The following MYOM2 variants were observed in gnomAD, a reference collection of about 807,000 sequenced individuals.
MYOM2 encodes the protein myomesin-2.
In MYOM2, 254 loss-of-function variants were observed where a neutral mutation model predicts 187.6. The ratio of observed to expected loss-of-function variants is 1.35; its 90% CI spans 1.22 to 1.50. MYOM2 has a LOEUF of 1.50. Among genes scored for constraint, MYOM2 ranks in the 40% most tolerant of loss-of-function variants. The pLI is 0.00. For synonymous variants in MYOM2, 981 were observed against 753.8 expected (o/e 1.30, Z -4.94); for missense variants, 2,796 against 1,924.0 (o/e 1.45, Z -8.48).
Position 2,085,500 on chromosome 8 carries a change from T to TGTGATCTCTGTGTGGCCCACCGCTGTC in MYOM2, c.1644+118_1644+119insTGTGTGGCCCACCGCTGTCGTGATCTC, listed in dbSNP as rs1819806328. The stretch of plus-strand genomic sequence containing the variant: ...TGATCTCCGCGTGGCCCCTCACTGT[T>TGTGATCTCTGTGTGGCCCACCGCTGTC]GTGATCTCCGCGTGGCCCCCCACTG... On this transcript the variant is annotated intron_variant, in intron 14 of 36. Coordinates refer to ENST00000262113, the MANE Select transcript of MYOM2 (RefSeq NM_003970.4). 2.4e-5 allele frequency: 15 copies of TGTGATCTCTGTGTGGCCCACCGCTGTC among 631,870 alleles called. No homozygotes were observed. In the African/African-American group the frequency reaches 8.3e-4, roughly 35 times the overall value. 39.1% of individuals were successfully genotyped at this position (631,870 alleles called of 1,614,324 possible).
chr8:2,132,749 T>G (rs73657738), intron 32 of MYOM2, among the ~76,000 whole-genome samples: 1 of 152,046 alleles, frequency 6.6e-6, no homozygotes, highest in Non-Finnish European at 1.5e-5. Flanking sequence ...TACAAAGAAG[T>G]GCATGCTTCA....
At chr8:2,108,915 C>T in intron 24 of MYOM2, 85 bp downstream of exon 24, 1 of 1,357,932 alleles carries the variant, frequency 7.4e-7, no homozygotes, top group Non-Finnish European at 1.0e-6. Flanking sequence ...CTTGGAAGAA[C>T]AGCTTTGGGG....
chr8:2,078,668 C>G, intron 11 of MYOM2, 66 bp from the exon 12 acceptor site: 1 of 1,414,704 alleles, frequency 7.1e-7, no homozygotes, highest in Non-Finnish European at 1.0e-6. Context: ...TATGCATATA[C>G]CTATGTATAT....
chr8:2,104,032 G>T (rs1356588354), intron 21 of MYOM2, among the ~76,000 whole-genome samples: 2 of 152,142 alleles, frequency 1.3e-5, no homozygotes, highest in Non-Finnish European at 2.9e-5. Flanking sequence ...GGATGAGAAG[G>T]AGAGCACTTT....
At chr8:2,074,545 C>G (rs1025691119) in intron 10 of MYOM2, among the ~76,000 whole-genome samples, 1 of 152,112 alleles carries the variant, frequency 6.6e-6, no homozygotes, top group Non-Finnish European at 1.5e-5. Context: ...ACCTCCGCCT[C>G]CTGGGTTCAA....
intron 17 of MYOM2, among the ~76,000 whole-genome samples, chr8:2,095,355 G>C (rs1162273251): frequency 6.7e-6 from 1 of 148,950 alleles, no homozygotes; most frequent in Non-Finnish European, 1.5e-5. Context: ...GCAGTCGTGT[G>C]ATCACAGCTC....
Position 2,086,692 on chromosome 8 carries a change from G to T in MYOM2, c.1644+1302G>T, listed in dbSNP as rs560788985. 3.3e-5 allele frequency among the ~76,000 whole-genome samples: 5 copies of T among 152,374 alleles called. No homozygotes were observed. The South Asian group carries it at 1.0e-3, about 32-fold the overall frequency. ...CGTCCTAGCTGGGCGTTGCCCCTCG[G>T]TGTGAGCAGGGAGTCGCTTCCCTCT... On this transcript the variant is annotated intron_variant, in intron 14 of 36. Coordinates refer to ENST00000262113, the MANE Select transcript of MYOM2 (RefSeq NM_003970.4).
intron 1 of MYOM2, 135 bp downstream of exon 1, chr8:2,045,303 C>G (rs1393120181): frequency 6.6e-6 from 1 of 152,260 alleles, no homozygotes; most frequent in African/African-American, 2.4e-5. Context: ...GTCGCAGGCA[C>G]CCTTTACTGT....
chr8:2,076,116 G>A, intron 10 of MYOM2, 25 bp from the exon 11 acceptor site: 2 of 1,603,338 alleles, frequency 1.2e-6, no homozygotes, highest in Non-Finnish European at 1.7e-6. Flanking sequence ...TGACAGGCGT[G>A]TGCCTTTTCT....
chr8:2,144,476 C>G (rs776829278), intron 36 of MYOM2, among the ~76,000 whole-genome samples, 188 bp from the exon 37 acceptor site: 37 of 152,206 alleles, frequency 2.4e-4, no homozygotes, highest in Admixed American at 3.9e-4. Flanking sequence ...AGTGGTGAAC[C>G]TGTTCCCTGC....
chr8:2,092,325 C>T (rs771441895), intron 15 of MYOM2, 21 bp from the exon 16 acceptor site: 1 of 1,611,568 alleles, frequency 6.2e-7, no homozygotes, highest in East Asian at 2.2e-5. Flanking sequence ...TTTCACCACT[C>T]CTTTTGTCTC....
intron 32 of MYOM2, among the ~76,000 whole-genome samples, chr8:2,139,702 T>C (rs1798209343): frequency 6.6e-6 from 1 of 152,110 alleles, no homozygotes; most frequent in Non-Finnish European, 1.5e-5. Flanking sequence ...AGCTCTTGGG[T>C]GGCCCTGGAG....
chr8:2,076,411 T>C, intron 11 of MYOM2, 129 bp downstream of exon 11: 1 of 1,197,506 alleles, frequency 8.4e-7, no homozygotes, highest in Non-Finnish European at 1.1e-6. Context: ...GGTACATGGC[T>C]AATTGGTTGT....
intron 14 of MYOM2, among the ~76,000 whole-genome samples, chr8:2,089,528 A>G (rs1055087618): frequency 5.3e-5 from 8 of 152,214 alleles, no homozygotes; most frequent in Non-Finnish European, 8.8e-5. Context: ...ATCTATGAAC[A>G]TATCATCATG....
At chr8:2,057,296 C>T (rs7833424) in intron 3 of MYOM2, 52 bp from the exon 4 acceptor site, 1,161,899 of 1,559,758 alleles carry the variant, frequency 0.74, 434,972 homozygotes, top group East Asian at 0.96. Flanking sequence ...TCGGGGGCCA[C>T]GTGGTTTTCT....
chr8:2,068,070 A>G (rs1442961056), intron 6 of MYOM2, among the ~76,000 whole-genome samples: 1 of 152,170 alleles, frequency 6.6e-6, no homozygotes, highest in Non-Finnish European at 1.5e-5. Flanking sequence ...CAGGATTCTC[A>G]TCCCAGGGGC....
At chr8:2,097,306 G>C (rs930736274) in intron 18 of MYOM2, 2 of 155,930 alleles carry the variant, frequency 1.3e-5, no homozygotes, top group Non-Finnish European at 2.8e-5. Flanking sequence ...TTCAACCTCT[G>C]TTCTGATCCC....
At chr8:2,118,049 T>C in intron 28 of MYOM2, 97 bp downstream of exon 28, 2 of 1,100,310 alleles carry the variant, frequency 1.8e-6, no homozygotes, top group East Asian at 2.4e-5. Flanking sequence ...TCTGTGATGC[T>C]GGTGAGGAAA....
At chr8:2,103,940 G>A (rs61675102) in intron 21 of MYOM2, among the ~76,000 whole-genome samples, 13,355 of 152,146 alleles carry the variant, frequency 0.088, 710 homozygotes, top group South Asian at 0.15. Flanking sequence ...ATAAATGAAC[G>A]GATGTCTTGC....
Sources: allele counts gnomAD v4.1 joint callset (sites outside exome capture counted in the v4.1 genomes callset), GRCh38; gene constraint gnomAD v4.1.1; transcripts MANE v1.5; gene names NCBI Gene and HGNC (gene_info 2026-07-23, HGNC 2026-07-21).